The following CERS1 variants were observed in gnomAD, a reference collection of about 807,000 sequenced individuals.
CERS1 encodes Embryonic growth/differentiation factor 1.
A neutral mutation model predicts 35.7 loss-of-function variants in CERS1; 16 were observed. The observed-to-expected ratio is 0.45, with a 90% CI of 0.30 to 0.68. The LOEUF (loss-of-function observed/expected upper bound fraction) is 0.68. Among genes scored for constraint, CERS1 ranks in the 30% least tolerant of loss-of-function variants. The pLI is 0.08. For missense variants in CERS1, 454 were observed against 453.9 expected (o/e 1.00, Z 0.00); for synonymous variants, 243 against 201.6 (o/e 1.21, Z -1.74).
intron 6 of CERS1, among the ~76,000 whole-genome samples, chr19:18,871,511 C>T (rs1286122698): frequency 2.6e-5 from 4 of 152,138 alleles, no homozygotes; most frequent in East Asian, 1.9e-4. Context: ...CGTGAGCCAC[C>T]GTGCCTGGCC....
rs569295030 is a variant in CERS1 at position 18,877,996 on chromosome 19, G to A, written c.1010+934C>T. 9.1e-6 allele frequency: 9 copies of A among 985,484 alleles called. No individual in the cohort carries two copies. In the African/African-American group the frequency reaches 1.4e-4, roughly 15 times the overall value. 61.0% of individuals were successfully genotyped at this position (985,484 alleles called of 1,614,324 possible). On this transcript the variant is annotated intron_variant, in intron 6 of 7. Transcript: ENST00000623882. ...TTCTCCCTTCCAAACAGGGTGGGGG[G>A]TCTGACGCTCCTCTGCCTGGCTACA... is the stretch of plus-strand genomic sequence containing the variant.
chr19:18,869,473 T>G, intron 7 of CERS1, 83 bp from the exon 8 acceptor site: 3 of 1,468,312 alleles, frequency 2.0e-6, no homozygotes, highest in South Asian at 1.3e-5. Flanking sequence ...GGGAGGAAGG[T>G]GAACGCTGGG....
chr19:18,893,318 G>T, intron 2 of CERS1, 98 bp downstream of exon 2: 1 of 1,374,174 alleles, frequency 7.3e-7, no homozygotes, highest in Non-Finnish European at 9.8e-7. Flanking sequence ...GGGCTCCAGT[G>T]ATCCTCCTGC....
rs530273200 is a variant in CERS1, at chr19:18,878,962, G to T, written c.978C>A (p.Ala326=). The T allele has an allele frequency of 6.2e-7, 1 of 1,613,740 alleles. No homozygotes were observed. Among genetic ancestry groups the T allele is most frequent in the Non-Finnish European group, 8.5e-7 (1 of 1,179,838 alleles). ...ELKDLREYDT[A]EAQSLKPSKA... is the part of the protein sequence containing the mutation. ...TGCTGGGCTTCAGGCTCTGGGCCTCGGCTGTGTCATACTCCCGCAGGTCCT... is the reference window on the plus strand; with the variant it reads ...TGCTGGGCTTCAGGCTCTGGGCCTCTGCTGTGTCATACTCCCGCAGGTCCT... The change falls in exon 6 of 8, where the codon GCC becomes GCA. Residue 326 remains alanine (A), a synonymous_variant. Coordinates refer to ENST00000623882, the MANE Select transcript of CERS1 (RefSeq NM_021267.5). The surrounding 1 kb of genome is among the most constrained non-coding windows in gnomAD (Gnocchi z 4.6).
intron 3 of CERS1, among the ~76,000 whole-genome samples, chr19:18,881,408 CG>C (rs2056204826): frequency 6.6e-6 from 1 of 151,860 alleles, no homozygotes; most frequent in Admixed American, 6.6e-5. Flanking sequence ...TTAGTAGAGA[CG>C]GGGTTTCACC....
chr19:18,895,960 G>C lies in CERS1; in HGVS notation c.113C>G (p.Thr38Arg), dbSNP rs1169893067. The C allele has an allele frequency of 1.8e-6, 2 of 1,096,746 alleles. No individual in the cohort carries two copies. Among genetic ancestry groups the C allele is most frequent in the Admixed American group, 4.8e-5 (1 of 20,754 alleles). 67.9% of individuals were successfully genotyped at this position (1,096,746 alleles called of 1,614,324 possible). The change falls in exon 1 of 8, where the codon ACG becomes AGG. Residue 38 changes from threonine (T) to arginine (R), a missense_variant. Transcript: ENST00000623882. This position sits in a 1 kb window ranked among gnomAD's most constrained non-coding sequence, Gnocchi z 6.4. ...ACGCGCCAGCCCCCAGCCGCAGTCC[G>C]TGCAGCCCCGCGCCGCCGCCAGCGC... ...GSALAAARGCTDCGWGLARRG... is the reference protein window; with the variant it reads ...GSALAAARGCRDCGWGLARRG...
intron 2 of CERS1, among the ~76,000 whole-genome samples, chr19:18,884,630 A>G (rs947429276): frequency 4.1e-5 from 6 of 147,250 alleles, no homozygotes; most frequent in African/African-American, 1.0e-4. Context: ...GATGGTCTCG[A>G]TCTCCTGACC....
intron 2 of CERS1, 148 bp from the exon 3 acceptor site, chr19:18,884,415 C>T (rs2056298452): frequency 4.3e-6 from 3 of 695,400 alleles, no homozygotes; most frequent in Non-Finnish European, 6.7e-6. Context: ...ATTCCCAATT[C>T]TATTTTTTTT....
upstream of CERS1, among the ~76,000 whole-genome samples, chr19:18,896,375 G>A (rs1232911626): frequency 6.7e-6 from 1 of 150,214 alleles, no homozygotes. This position sits in a 1 kb window ranked among gnomAD's most constrained non-coding sequence, Gnocchi z 5.9. Context: ...CCCGCGCACC[G>A]CCGTGTCGCG....
At chr19:18,880,208 T>C in intron 4 of CERS1, 66 bp downstream of exon 4, 6 of 1,351,144 alleles carry the variant, frequency 4.4e-6, no homozygotes, top group South Asian at 2.9e-5. Context: ...GTCCCGCCCC[T>C]TTTCTGGACA....
intron 3 of CERS1, chr19:18,881,966 T>G (rs977758819): frequency 2.0e-5 from 3 of 152,408 alleles, no homozygotes; most frequent in Non-Finnish European, 4.4e-5. Flanking sequence ...CTCATCACCA[T>G]GCCCAGCTAA....
chr19:18,888,536 A>AC (rs1168326124), intron 2 of CERS1, among the ~76,000 whole-genome samples: 3 of 148,546 alleles, frequency 2.0e-5, no homozygotes, highest in African/African-American at 7.5e-5. Flanking sequence ...AAAAAAAAAA[A>AC]AAAAAAAAAA....
Position 18,884,286 on chromosome 19 carries a change from C to T in CERS1, c.410-19G>A. ...GTCCAGTCTGGGGAGAGCCAAATCT[C>T]ACAGTCAGGGCCCTGCGAAGCCTCT... On this transcript the variant is annotated intron_variant, in intron 2 of 7. Transcript: ENST00000623882. The T allele has an allele frequency of 1.2e-6, 2 of 1,602,618 alleles. No homozygotes were observed. Among genetic ancestry groups the T allele is most frequent in the Non-Finnish European group, 1.7e-6 (2 of 1,176,058 alleles).
intron 6 of CERS1, among the ~76,000 whole-genome samples, chr19:18,874,148 T>G (rs1462827900): frequency 1.3e-5 from 2 of 152,154 alleles, no homozygotes; most frequent in Non-Finnish European, 2.9e-5. Context: ...TAGCAGCAGC[T>G]GGACATCCTC....
In CERS1 at chr19:18,868,945, G is replaced by T. The variant is rs1478841372; in HGVS notation, c.*1040C>A. On this transcript the variant is annotated 3_prime_UTR_variant, in exon 8 of 8. Coordinates refer to ENST00000623882, the MANE Select transcript of CERS1 (RefSeq NM_021267.5). ...CGCCCCCGGGGCCGCCGCCCAACACGGGTTCGGCGTCGCGCCGCGGCCGGG... is the reference window on the plus strand; with the variant it reads ...CGCCCCCGGGGCCGCCGCCCAACACTGGTTCGGCGTCGCGCCGCGGCCGGG... 2.4e-6 allele frequency: 3 copies of T among 1,240,250 alleles called. No homozygotes were observed. Among genetic ancestry groups the T allele is most frequent in the African/African-American group, 1.6e-5 (1 of 60,624 alleles). 76.8% of individuals were successfully genotyped at this position (1,240,250 alleles called of 1,614,324 possible).
chr19:18,891,561 C>A (rs1405289662), intron 2 of CERS1, among the ~76,000 whole-genome samples: 1 of 152,052 alleles, frequency 6.6e-6, no homozygotes, highest in Non-Finnish European at 1.5e-5. Flanking sequence ...GACACAGCCA[C>A]TTCTTATCAT....
intron 6 of CERS1, among the ~76,000 whole-genome samples, chr19:18,872,909 A>T (rs1007167205): frequency 6.6e-6 from 1 of 152,196 alleles, no homozygotes; most frequent in African/African-American, 2.4e-5. Context: ...TCAGCCTCTC[A>T]AAGTGCTGGG....
chr19:18,877,568 A>G (rs1206111758), intron 6 of CERS1, among the ~76,000 whole-genome samples: 2 of 152,096 alleles, frequency 1.3e-5, no homozygotes, highest in Non-Finnish European at 2.9e-5. Context: ...CCTGAGCAAC[A>G]TGAGGAAACC....
chr19:18,882,262 A>AC (rs1335965809), intron 3 of CERS1, among the ~76,000 whole-genome samples: 2 of 152,228 alleles, frequency 1.3e-5, no homozygotes, highest in Non-Finnish European at 1.5e-5. Flanking sequence ...CATGGGAGCC[A>AC]CCAGCCACTT....
Sources: gnomAD v4.1 joint callset for allele counts (sites outside exome capture counted in the v4.1 genomes callset) on GRCh38, gnomAD v4.1.1 for gene constraint, Gnocchi (gnomAD v3.1) non-coding constraint, MANE v1.5 for transcripts, NCBI Gene and HGNC (gene_info 2026-07-23, HGNC 2026-07-21) for gene names.